The following C1orf174 variants were observed in gnomAD, a reference collection of about 807,000 sequenced individuals.
The protein encoded by C1orf174 is UPF0688 protein C1orf174.
C1orf174 carries 13 observed loss-of-function variants against 18.4 expected under a neutral mutation model. The observed-to-expected ratio is 0.71, with a 90% CI of 0.46 to 1.12. The LOEUF (loss-of-function observed/expected upper bound fraction) is 1.12, where lower values mean the gene tolerates loss of function less well. Among genes scored for constraint, C1orf174 ranks in the 50% most tolerant of loss-of-function variants. The pLI, the probability that C1orf174 is intolerant of heterozygous loss-of-function variation, is 0.00. For missense variants in C1orf174, 309 were observed against 308.0 expected (o/e 1.00, Z -0.02); for synonymous variants, 100 against 118.3 (o/e 0.85, Z 1.01).
At chr1:3,896,796 T>C (rs1023138461) in intron 1 of C1orf174, among the ~76,000 whole-genome samples, 1 of 152,212 alleles carries the variant, frequency 6.6e-6, no homozygotes, top group East Asian at 1.9e-4. Context: ...TGGATTAGTT[T>C]GTAGAGCAAC....
chr1:3,889,726 G>T lies in C1orf174; in HGVS notation c.*234C>A. 5.9e-6 allele frequency: 2 copies of T among 338,940 alleles called. No individual in the cohort carries two copies. Among genetic ancestry groups the T allele is most frequent in the Non-Finnish European group, 5.4e-6 (1 of 185,536 alleles). 21.0% of individuals were successfully genotyped at this position (338,940 alleles called of 1,614,324 possible). On this transcript the variant is annotated 3_prime_UTR_variant, in exon 4 of 4. Transcript: ENST00000361605. ...AAAAAAAAAAAAAAAAAAAAAGAAA[G>T]GACATTGGCACAGTACAGCAGCTTT...
Position 3,890,789 on chromosome 1 carries a change from G to T in C1orf174, c.398C>A (p.Ala133Glu), listed in dbSNP as rs1208580939. ...CACGGACAGGCCATCTCTAGTCTTT[G>T]CTAAGCGAGAGTCACTCACAACTCT... Reference protein sequence around the residue: ...GCRVVSDSRLAKTRDGLSVPK... With the variant: ...GCRVVSDSRLEKTRDGLSVPK... The change falls in exon 3 of 4, where the codon GCA (alanine) becomes GAA (glutamate). Residue 133 changes from alanine (A) to glutamate (E), a missense_variant. Physicochemically the swap from Ala to Glu is moderately radical, Grantham distance 107. Transcript: ENST00000361605. The T allele has an allele frequency of 3.1e-6, 5 of 1,613,848 alleles. No individual in the cohort carries two copies. Among genetic ancestry groups the T allele is most frequent in the Admixed American group, 1.7e-5 (1 of 60,014 alleles).
intron 1 of C1orf174, among the ~76,000 whole-genome samples, chr1:3,898,328 G>A (rs1638643625): frequency 6.6e-6 from 1 of 152,120 alleles, no homozygotes; most frequent in South Asian, 2.1e-4. Flanking sequence ...TCGCCAACAT[G>A]GTGAAAACCT....
intron 2 of C1orf174, chr1:3,891,792 CG>C: frequency 1.1e-5 from 11 of 986,206 alleles, no homozygotes; most frequent in Non-Finnish European, 1.3e-5. Context: ...AAGAGCAGAG[CG>C]ATGAGCACAA....
intron 1 of C1orf174, among the ~76,000 whole-genome samples, chr1:3,896,987 T>G (rs550409262): frequency 1.3e-5 from 2 of 152,254 alleles, no homozygotes; most frequent in South Asian, 4.1e-4. Flanking sequence ...GAAATATACT[T>G]TATCAAAACA....
chr1:3,900,055 G>T lies in C1orf174; in HGVS notation c.15+117C>A. 3 of 1,303,620 alleles carry T rather than the reference G, an allele frequency of 2.3e-6. No homozygotes were observed. In the South Asian group the frequency reaches 4.6e-5, roughly 20 times the overall value. 80.8% of individuals were successfully genotyped at this position (1,303,620 alleles called of 1,614,324 possible). A position where few individuals can be genotyped will look rare whatever the true frequency, so the allele number is the denominator to read the frequency against. Reference sequence around the variant, plus strand: ...AACTACTGCCGGGGGCGAGGCCCAAGCGGAGGCCGCTCCTAGGCCACAGGC... The same window carrying T: ...AACTACTGCCGGGGGCGAGGCCCAATCGGAGGCCGCTCCTAGGCCACAGGC... On this transcript the variant is annotated intron_variant, in intron 1 of 3. Coordinates refer to ENST00000361605, the MANE Select transcript of C1orf174 (RefSeq NM_207356.3).
At chr1:3,898,762 G>A (rs148218120) in intron 1 of C1orf174, among the ~76,000 whole-genome samples, 1 of 150,666 alleles carries the variant, frequency 6.6e-6, no homozygotes. Flanking sequence ...ATACAGACAT[G>A]TACTATATTT....
rs370622964 is a variant in C1orf174, at chr1:3,890,625, C to A, written c.562G>T (p.Asp188Tyr). 1.2e-6 allele frequency: 2 copies of A among 1,613,980 alleles called. No homozygotes were observed. Among genetic ancestry groups the A allele is most frequent in the African/African-American group, 2.7e-5 (2 of 74,890 alleles). The change falls in exon 3 of 4, where the codon GAC (aspartate) becomes TAC (tyrosine). Residue 188 changes from aspartate to tyrosine, a missense_variant. Physicochemically the swap from Asp to Tyr is radical, Grantham distance 160. Coordinates refer to ENST00000361605, the MANE Select transcript of C1orf174 (RefSeq NM_207356.3). Reference protein sequence around the residue: ...QMDNSVFLDDDSNQPMPVSRF... With the variant: ...QMDNSVFLDDYSNQPMPVSRF... ...CTCACGGGCATTGGCTGATTGCTGT[C>A]GTCATCTAGAAAGACGCTGTTGTCC...
chr1:3,900,236 G>T lies in C1orf174; in HGVS notation c.-50C>A. On this transcript the variant is annotated 5_prime_UTR_variant, in exon 1 of 4. Coordinates refer to ENST00000361605, the MANE Select transcript of C1orf174 (RefSeq NM_207356.3). The stretch of plus-strand genomic sequence containing the variant: ...CCGCGCGCCCCGGCCAACGCGTCCC[G>T]GCGGAGCGGCGACCCGGAGTCTGCA... The T allele has an allele frequency of 6.5e-7, 1 of 1,530,950 alleles. No individual in the cohort carries two copies. The highest frequency in any genetic ancestry group is 2.5e-5 in the East Asian group (1 of 39,428). The allele number at this position is 1,530,950 out of a possible 1,614,324, so 94.8% of individuals were successfully genotyped here. A position where few individuals can be genotyped will look rare whatever the true frequency, so the allele number is the denominator to read the frequency against.
intron 1 of C1orf174, among the ~76,000 whole-genome samples, chr1:3,899,508 C>T (rs1638668493): frequency 1.1e-5 from 1 of 90,934 alleles, no homozygotes; most frequent in East Asian, 2.2e-4. Flanking sequence ...TGGCACCCCC[C>T]TTCAATCCTC....
chr1:3,898,732 CA>C (rs1271414891), intron 1 of C1orf174, among the ~76,000 whole-genome samples: 4 of 152,120 alleles, frequency 2.6e-5, no homozygotes, highest in African/African-American at 7.2e-5. Flanking sequence ...CAATTGTATA[CA>C]GTAATATGTG....
chr1:3,891,119 C>T, intron 2 of C1orf174, 62 bp from the exon 3 acceptor site: 3 of 1,507,834 alleles, frequency 2.0e-6, no homozygotes, highest in South Asian at 1.3e-5. Context: ...AGGCCTCAAT[C>T]CAGAGGCTAG....
chr1:3,889,888 A>C lies in C1orf174; in HGVS notation c.*72T>G. The C allele has an allele frequency of 7.7e-7, 1 of 1,291,906 alleles. No homozygotes were observed. The highest frequency in any genetic ancestry group is 1.1e-6 in the Non-Finnish European group (1 of 888,124). 80.0% of individuals were successfully genotyped at this position (1,291,906 alleles called of 1,614,324 possible). On this transcript the variant is annotated 3_prime_UTR_variant, in exon 4 of 4. Transcript: ENST00000361605. ...TTCTCTTGGAGATACATTTTATATA[A>C]ATCTTGTAATGTGCTAAATTGTCAA...
intron 1 of C1orf174, among the ~76,000 whole-genome samples, 200 bp downstream of exon 1, chr1:3,899,972 T>C (rs1193041015): frequency 6.6e-6 from 1 of 152,046 alleles, no homozygotes; most frequent in Non-Finnish European, 1.5e-5. Context: ...AGCCCCCTTT[T>C]CACAGGGGCG....
At chr1:3,897,757 A>G (rs1227245486) in intron 1 of C1orf174, among the ~76,000 whole-genome samples, 2 of 151,928 alleles carry the variant, frequency 1.3e-5, no homozygotes, top group African/African-American at 4.8e-5. Context: ...TCCGCCCCCC[A>G]GGTTCATGCC....
rs372101920 is a variant in C1orf174 at position 3,892,994 on chromosome 1, G to A, written c.18C>T (p.Leu6=). ...GCGCTGAAGACCGCACTGCACCTGT[G>A]AGCTAGAGAGATTGAGAGCCACTCA... MRSRK[L]TGAVRSSARL... is the part of the protein sequence containing the mutation. Residue 6 remains leucine, a splice_region_variant and synonymous_variant, in exon 2 of 4, where the codon CTC becomes CTT. Transcript: ENST00000361605. The A allele has an allele frequency of 6.9e-5, 112 of 1,613,642 alleles. 1 individual carries two copies. The highest frequency in any genetic ancestry group is 8.6e-5 in the Non-Finnish European group (101 of 1,179,870).
intron 1 of C1orf174, among the ~76,000 whole-genome samples, chr1:3,897,792 T>C (rs1638633560): frequency 6.7e-6 from 1 of 148,608 alleles, no homozygotes; most frequent in Non-Finnish European, 1.5e-5. Context: ...GCCTCCCAAG[T>C]AGCTGGAACT....
intron 2 of C1orf174, chr1:3,891,871 GAC>G (rs1419765159): frequency 1.1e-5 from 10 of 936,786 alleles, no homozygotes; most frequent in African/African-American, 1.8e-5. Context: ...CCCGGGTCTA[GAC>G]ACACACACGG....
intron 1 of C1orf174, among the ~76,000 whole-genome samples, chr1:3,899,295 G>A (rs1490915406): frequency 6.6e-6 from 1 of 152,200 alleles, no homozygotes; most frequent in Non-Finnish European, 1.5e-5. Flanking sequence ...GTGCCTACAG[G>A]AGACAAGTTT....
Sources: allele counts gnomAD v4.1 joint callset (sites outside exome capture counted in the v4.1 genomes callset), GRCh38; gene constraint gnomAD v4.1.1; transcripts MANE v1.5; gene names NCBI Gene and HGNC (gene_info 2026-07-23, HGNC 2026-07-21).